The following NIPBL variants were observed in gnomAD, a reference collection of about 807,000 sequenced individuals.
NIPBL encodes NIPBL cohesin loading factor, also known as nipped-B-like protein.
A neutral mutation model predicts 321.8 loss-of-function variants in NIPBL; 19 were observed. The ratio of observed to expected loss-of-function variants is 0.06; its 90% CI spans 0.04 to 0.09. The LOEUF is 0.09. Among genes scored for constraint, NIPBL ranks in the 10% least tolerant of loss-of-function variants. The pLI, the probability that NIPBL is intolerant of heterozygous loss-of-function variation, is 1.00. For synonymous variants in NIPBL, 1,106 were observed against 1,114.1 expected (o/e 0.99, Z 0.14); for missense variants, 2,210 against 3,327.0 (o/e 0.66, Z 8.26).
Position 36,986,304 on chromosome 5 carries a change from A to G in NIPBL, c.3121+3A>G. 1 of 1,488,696 alleles carries G rather than the reference A, an allele frequency of 6.7e-7. No homozygotes were observed. The highest frequency in any genetic ancestry group is 8.9e-7 in the Non-Finnish European group (1 of 1,119,634). 92.2% of individuals were successfully genotyped at this position (1,488,696 alleles called of 1,614,324 possible). A position where few individuals can be genotyped will look rare whatever the true frequency, so the allele number is the denominator to read the frequency against. ...TAAACCATCAAAGTCAAATAAAGGT[A>G]AGAATACTTCTACTGATGTCATTTA... On this transcript the variant is annotated splice_donor_region_variant and intron_variant, in intron 10 of 46. Coordinates refer to ENST00000282516, the MANE Select transcript of NIPBL (RefSeq NM_133433.4).
At chr5:37,024,145 G>A (rs1056274067) in intron 29 of NIPBL, among the ~76,000 whole-genome samples, 3 of 150,440 alleles carry the variant, frequency 2.0e-5, no homozygotes, top group African/African-American at 4.9e-5. Flanking sequence ...CAGCCTGGGC[G>A]AGAAGAGCAA....
intron 1 of NIPBL, 47 bp from the exon 2 acceptor site, chr5:36,953,571 A>G (rs965076555): frequency 3.7e-5 from 30 of 814,574 alleles, no homozygotes; most frequent in African/African-American, 5.1e-5. Context: ...TGATAGTAAT[A>G]TATCTGACAT....
intron 22 of NIPBL, among the ~76,000 whole-genome samples, chr5:37,015,312 C>CG (rs1748821034): frequency 6.6e-6 from 1 of 152,030 alleles, no homozygotes; most frequent in African/African-American, 2.4e-5. Flanking sequence ...TCAGTAGAGA[C>CG]GGGGTTTCCC....
chr5:37,057,358 A>C, intron 43 of NIPBL, 26 bp downstream of exon 43: 1 of 1,606,818 alleles, frequency 6.2e-7, no homozygotes, highest in Non-Finnish European at 8.5e-7. Flanking sequence ...TACTATTCTT[A>C]ATCCATCTGT....
chr5:37,035,770 A>G (rs551340022), intron 32 of NIPBL, among the ~76,000 whole-genome samples: 70 of 152,330 alleles, frequency 4.6e-4, no homozygotes, highest in Non-Finnish European at 9.0e-4. Context: ...TAGATTAGCT[A>G]GCTTTTCTTA....
intron 1 of NIPBL, among the ~76,000 whole-genome samples, chr5:36,881,121 C>T (rs1489145290): frequency 6.6e-6 from 1 of 151,800 alleles, no homozygotes; most frequent in Non-Finnish European, 1.5e-5. Flanking sequence ...GTTGTATTTT[C>T]CTGGTATGAA....
intron 6 of NIPBL, among the ~76,000 whole-genome samples, chr5:36,970,368 A>T (rs1453175187): frequency 6.6e-6 from 1 of 151,374 alleles, no homozygotes; most frequent in African/African-American, 2.4e-5. Context: ...TCTAGGTAAC[A>T]GAGCTGTCTG....
intron 42 of NIPBL, among the ~76,000 whole-genome samples, chr5:37,053,562 CA>C (rs1753790033): frequency 6.6e-6 from 1 of 152,108 alleles, no homozygotes; most frequent in African/African-American, 2.4e-5. Context: ...CTCTCTCTCT[CA>C]AAATACCCTG....
intron 42 of NIPBL, among the ~76,000 whole-genome samples, chr5:37,055,211 CA>C (rs1246369328): frequency 6.6e-6 from 1 of 151,996 alleles, no homozygotes; most frequent in African/African-American, 2.4e-5. Flanking sequence ...ATTAGCCAGG[CA>C]TGATGGCGCG....
rs952653745 is a variant in NIPBL, at chr5:37,039,603, T to G, written c.6108+865T>G. ...AAAGAGTATAAGTAACTGCTAAAAA[T>G]TTGAAATTTTAAAATACTCTAAAAA... On this transcript the variant is annotated intron_variant, in intron 34 of 46. Coordinates refer to ENST00000282516, the MANE Select transcript of NIPBL (RefSeq NM_133433.4). Among the ~76,000 whole-genome samples, 4 of 152,078 alleles carry G rather than the reference T, an allele frequency of 2.6e-5. No individual in the cohort carries two copies. In the South Asian group the frequency reaches 6.2e-4, roughly 24 times the overall value.
At chr5:37,022,599 G>T (rs1036510932) in intron 29 of NIPBL, among the ~76,000 whole-genome samples, 1 of 152,054 alleles carries the variant, frequency 6.6e-6, no homozygotes, top group Non-Finnish European at 1.5e-5. Context: ...GTAATAATTG[G>T]ATTCCTTTTT....
chr5:36,955,778 G>T, intron 3 of NIPBL, 141 bp downstream of exon 3: 1 of 669,256 alleles, frequency 1.5e-6, no homozygotes, highest in Non-Finnish European at 2.6e-6. Context: ...GGAGAATATA[G>T]TCTTATTGCA....
chr5:37,033,705 C>CACACATATATATAT (rs1415570935), intron 32 of NIPBL, among the ~76,000 whole-genome samples: 1 of 80,266 alleles, frequency 1.2e-5, no homozygotes, highest in Non-Finnish European at 2.3e-5. Flanking sequence ...CACACACACA[C>CACACATATATATAT]ATATATATAT....
chr5:36,989,801 T>C (rs1270934189), intron 10 of NIPBL, among the ~76,000 whole-genome samples: 1 of 134,868 alleles, frequency 7.4e-6, no homozygotes, highest in Non-Finnish European at 1.5e-5. Context: ...ATTGTGCCAC[T>C]GCACTCCAGC....
chr5:36,959,729 A>G (rs965572580), intron 4 of NIPBL, among the ~76,000 whole-genome samples: 3 of 152,210 alleles, frequency 2.0e-5, no homozygotes, highest in African/African-American at 7.2e-5. Context: ...TTTGGGTAGT[A>G]AATCACTCTG....
chr5:36,956,766 A>G (rs1010404867), intron 3 of NIPBL, among the ~76,000 whole-genome samples: 3 of 151,480 alleles, frequency 2.0e-5, no homozygotes, highest in Non-Finnish European at 2.9e-5. Flanking sequence ...CTGGGATTAC[A>G]GGCCCCCACC....
chr5:37,018,650 C>T (rs1749270241), intron 24 of NIPBL, among the ~76,000 whole-genome samples: 1 of 152,062 alleles, frequency 6.6e-6, no homozygotes. Flanking sequence ...CCATGTATGG[C>T]TATGTTGATT....
In NIPBL at chr5:36,986,260, C is replaced by G; in HGVS notation, c.3080C>G (p.Ser1027Cys). 1 of 1,543,664 alleles carries G rather than the reference C, an allele frequency of 6.5e-7. No individual in the cohort carries two copies. Among genetic ancestry groups the G allele is most frequent in the Non-Finnish European group, 8.7e-7 (1 of 1,153,974 alleles). Residue 1027 changes from serine (S) to cysteine (C), a missense_variant, in exon 10 of 47, where the codon TCC becomes TGC. Ser to Cys is a moderately radical substitution (Grantham distance 112). Coordinates refer to ENST00000282516, the MANE Select transcript of NIPBL (RefSeq NM_133433.4). ...GATAGAGAGGACAAATCAAGAAGTT[C>G]CCTTAAACCTATCAAGAATAAACCA... The part of the protein sequence containing the change: ...IKDREDKSRS[S>C]LKPIKNKPSK...
At chr5:37,012,994 C>T (rs1170760531) in intron 21 of NIPBL, among the ~76,000 whole-genome samples, 9 of 152,284 alleles carry the variant, frequency 5.9e-5, no homozygotes, top group Non-Finnish European at 7.4e-5. Context: ...ACTTCCCAGA[C>T]GGGGTGGTGG....
Sources: allele counts gnomAD v4.1 joint callset (sites outside exome capture counted in the v4.1 genomes callset), GRCh38; gene constraint gnomAD v4.1.1; transcripts MANE v1.5; gene names NCBI Gene and HGNC (gene_info 2026-07-23, HGNC 2026-07-21).